MARK3: variants seen among roughly 807,000 people sequenced by gnomAD.
The protein encoded by MARK3 is microtubule affinity regulating kinase 3, also known as MAP/microtubule affinity-regulating kinase 3.
In MARK3, 46 loss-of-function variants were observed where a neutral mutation model predicts 90.1. The observed-to-expected ratio is 0.51, with a 90% CI of 0.40 to 0.65. The LOEUF (loss-of-function observed/expected upper bound fraction) is 0.65, where lower values mean the gene tolerates loss of function less well. MARK3 is among the 30% of genes least tolerant of loss of function. The pLI, the probability that MARK3 is intolerant of heterozygous loss-of-function variation, is 0.00. For synonymous variants in MARK3, 321 were observed against 332.6 expected (o/e 0.97, Z 0.38); for missense variants, 818 against 947.2 (o/e 0.86, Z 1.79).
rs192863871 is a variant in MARK3 at position 103,412,261 on chromosome 14, G to A, written c.243+6994G>A. 30 of 700,406 alleles carry A rather than the reference G, an allele frequency of 4.3e-5. No individual in the cohort carries two copies. In the Admixed American group the frequency reaches 5.9e-4, roughly 14 times the overall value. 43.4% of individuals were successfully genotyped at this position (700,406 alleles called of 1,614,324 possible). A position where few individuals can be genotyped will look rare whatever the true frequency, so the allele number is the denominator to read the frequency against. ...CAAGCTCATCGTCTGTCATCTTCAC[G>A]TGGCCAACAGCCACAGCCAAACATA... On this transcript the variant is annotated intron_variant, in intron 2 of 17. Coordinates refer to ENST00000429436, the MANE Select transcript of MARK3 (RefSeq NM_001128918.3).
intron 14 of MARK3, among the ~76,000 whole-genome samples, chr14:103,483,338 G>A (rs759961012): frequency 3.9e-5 from 6 of 152,020 alleles, no homozygotes; most frequent in Non-Finnish European, 7.3e-5. Flanking sequence ...CTTTATATGA[G>A]TGTTCATACG....
At chr14:103,419,395 T>C (rs1348046819) in intron 2 of MARK3, among the ~76,000 whole-genome samples, 2 of 152,224 alleles carry the variant, frequency 1.3e-5, no homozygotes, top group African/African-American at 4.8e-5. Flanking sequence ...CTTAGGAAAC[T>C]TAAAATATAT....
At chr14:103,456,082 C>G (rs7155980) in intron 5 of MARK3, among the ~76,000 whole-genome samples, 43,022 of 152,038 alleles carry the variant, frequency 0.28, 7,257 homozygotes, top group Non-Finnish European at 0.36. Context: ...ACCTTTCTTC[C>G]CTAAATAATT....
chr14:103,489,777 A>C (rs1245198554), intron 14 of MARK3: 4 of 152,204 alleles, frequency 2.6e-5, no homozygotes, highest in Non-Finnish European at 5.9e-5. Flanking sequence ...TTGAATTCCA[A>C]GGACATGATT....
intron 12 of MARK3, 139 bp downstream of exon 12, chr14:103,468,325 T>C (rs1275747947): frequency 4.1e-5 from 26 of 631,156 alleles, no homozygotes; most frequent in Admixed American, 2.0e-4. Flanking sequence ...TTTTTTTTTT[T>C]TTTTTTTTTT....
intron 1 of MARK3, among the ~76,000 whole-genome samples, chr14:103,390,114 G>A (rs2090134746): frequency 1.3e-5 from 2 of 151,996 alleles, no homozygotes; most frequent in Admixed American, 6.6e-5. Context: ...CGGGCGTGGT[G>A]GCAGGTGCCT....
At chr14:103,391,308 T>C (rs528546152) in intron 1 of MARK3, among the ~76,000 whole-genome samples, 1 of 152,296 alleles carries the variant, frequency 6.6e-6, no homozygotes, top group African/African-American at 2.4e-5. Flanking sequence ...ACAGCGCAGC[T>C]CAGTGGCCAA....
chr14:103,468,311 C>CTT, intron 12 of MARK3, 125 bp downstream of exon 12: 1 of 155,418 alleles, frequency 6.4e-6, no homozygotes, highest in South Asian at 1.3e-4. Flanking sequence ...TTCTTTCTTT[C>CTT]TTCTTTTTTT....
At chr14:103,473,745 GACAGGTTCTC>G (rs2093668458) in intron 12 of MARK3, among the ~76,000 whole-genome samples, 1 of 151,912 alleles carries the variant, frequency 6.6e-6, no homozygotes, top group South Asian at 2.1e-4. Flanking sequence ...TATTTATTGA[GACAGGTTCTC>G]ACTCTGTCAC....
chr14:103,468,789 C>CTTTTT (rs372468049), intron 12 of MARK3, among the ~76,000 whole-genome samples: 7 of 138,666 alleles, frequency 5.0e-5, no homozygotes, highest in African/African-American at 1.3e-4. Flanking sequence ...TGTAGTTTTC[C>CTTTTT]TTTTTTTTTT....
chr14:103,485,352 T>C (rs1235399157), intron 14 of MARK3, among the ~76,000 whole-genome samples: 1 of 150,500 alleles, frequency 6.6e-6, no homozygotes, highest in Non-Finnish European at 1.5e-5. Flanking sequence ...TAGTGTACTG[T>C]AGCCTTGAAC....
At chr14:103,472,634 C>A (rs1173769103) in intron 12 of MARK3, among the ~76,000 whole-genome samples, 1 of 119,682 alleles carries the variant, frequency 8.4e-6, no homozygotes, top group African/African-American at 3.3e-5. Flanking sequence ...GCCAACAGAG[C>A]GAGGCTCCAT....
chr14:103,402,421 C>T (rs1201502235), intron 1 of MARK3, among the ~76,000 whole-genome samples: 1 of 151,932 alleles, frequency 6.6e-6, no homozygotes, highest in Non-Finnish European at 1.5e-5. Flanking sequence ...GGTATGGTGG[C>T]GCGCACCTGA....
At chr14:103,452,053 C>A in intron 5 of MARK3, 70 bp downstream of exon 5, 2 of 977,972 alleles carry the variant, frequency 2.0e-6, no homozygotes, top group Non-Finnish European at 3.2e-6. Flanking sequence ...AACCATACTG[C>A]CCATATGGGT....
At position 103,502,916 on chromosome 14, in the gene MARK3, A is replaced by G. The variant is rs188709144; in HGVS notation, c.1951A>G (p.Lys651Glu). The G allele has an allele frequency of 5.0e-6, 8 of 1,612,946 alleles. No homozygotes were observed. The highest frequency in any genetic ancestry group is 4.5e-5 in the East Asian group (2 of 44,860). The change falls in exon 18 of 18, where the codon AAA (lysine) becomes GAA (glutamate). Residue 651 changes from lysine to glutamate, a missense_variant. By Grantham distance (56) the Lys-to-Glu change is moderately conservative. Around this residue, in one of 3 missense-constraint regions of MARK3, gnomAD observed 560 missense variants for 613.5 expected, o/e 0.91. Transcript: ENST00000429436. Reference protein sequence around the residue: ...NVSAEQKDENKEAKPRSLRFT... With the variant: ...NVSAEQKDENEEAKPRSLRFT... ...ATCTGCTGAGCAAAAAGATGAAAAC[A>G]AAGAAGCAAAGCCTCGATCCCTACG...
rs1379944545 is a variant in MARK3, at chr14:103,428,492, G to A, written c.297+52G>A. On this transcript the variant is annotated intron_variant, in intron 3 of 17. Coordinates refer to ENST00000429436, the MANE Select transcript of MARK3 (RefSeq NM_001128918.3). The stretch of plus-strand genomic sequence containing the variant: ...TTTTAAAAAATTATCGGTGCTAATT[G>A]CCATCTAATTTGTCCCTTAAATACC... The A allele has an allele frequency of 3.8e-6, 4 of 1,054,144 alleles. No homozygotes were observed. The African/African-American group carries it at 6.6e-5, about 17-fold the overall frequency. The allele number at this position is 1,054,144 out of a possible 1,614,324, so 65.3% of individuals were successfully genotyped here. A position where few individuals can be genotyped will look rare whatever the true frequency, so the allele number is the denominator to read the frequency against.
chr14:103,440,463 C>A (rs1200314747), intron 3 of MARK3, among the ~76,000 whole-genome samples: 7 of 152,150 alleles, frequency 4.6e-5, no homozygotes, highest in Non-Finnish European at 8.8e-5. Flanking sequence ...GCATCCTCAT[C>A]AAAATTTGAT....
In MARK3 at chr14:103,503,441, T is replaced by G; in HGVS notation, c.*214T>G. On this transcript the variant is annotated 3_prime_UTR_variant, in exon 18 of 18. Transcript: ENST00000429436. The stretch of plus-strand genomic sequence containing the variant: ...GCAACCTATGCGCCCCCTGCCCTAC[T>G]TCCGTTACCCTGAGAGTCGGTGTGT... The G allele has an allele frequency of 1.8e-6, 1 of 556,952 alleles. No homozygotes were observed. The highest frequency in any genetic ancestry group is 3.2e-6 in the Non-Finnish European group (1 of 315,850). 34.5% of individuals were successfully genotyped at this position (556,952 alleles called of 1,614,324 possible).
At chr14:103,471,439 GC>G (rs753771273) in intron 12 of MARK3, among the ~76,000 whole-genome samples, 2 of 152,216 alleles carry the variant, frequency 1.3e-5, no homozygotes. Flanking sequence ...AACACCTGGG[GC>G]AGAGCTCAGG....
Sources: allele counts gnomAD v4.1 joint callset (sites outside exome capture counted in the v4.1 genomes callset), GRCh38; gene constraint gnomAD v4.1.1; regional missense constraint gnomAD v4.1.1; transcripts MANE v1.5; gene names NCBI Gene and HGNC (gene_info 2026-07-23, HGNC 2026-07-21).